TMEM132B: variants seen among roughly 807,000 people sequenced by gnomAD.
TMEM132B encodes the protein transmembrane protein 132B.
Under a neutral mutation model 90.8 loss-of-function variants are expected in TMEM132B, and 18 were observed. The observed-to-expected ratio is 0.20, with a 90% confidence interval of 0.14 to 0.29. The LOEUF (loss-of-function observed/expected upper bound fraction) is 0.29, where lower values mean the gene tolerates loss of function less well. Ranked by LOEUF, TMEM132B falls within the 10% of genes least tolerant of loss-of-function variation. The pLI is 1.00. For missense variants in TMEM132B, 1,096 were observed against 1,326.8 expected (o/e 0.83, Z 2.70); for synonymous variants, 504 against 523.3 (o/e 0.96, Z 0.50).
chr12:125,238,415 G>T (rs1251654194), intron 1 of TMEM132B, among the ~76,000 whole-genome samples: 3 of 150,394 alleles, frequency 2.0e-5, no homozygotes, highest in African/African-American at 7.3e-5. Flanking sequence ...AGTCTCAGAT[G>T]TGGGCTTTGC....
intron 1 of TMEM132B, among the ~76,000 whole-genome samples, chr12:125,255,323 CTCTT>C (rs1388315844): frequency 6.6e-6 from 1 of 152,096 alleles, no homozygotes; most frequent in African/African-American, 2.4e-5. Flanking sequence ...TCTCTTCTCT[CTCTT>C]TCTCTGTATG....
In TMEM132B at chr12:125,406,442, G is replaced by T. The variant is rs1879481384; in HGVS notation, c.960-9089G>T. 6.6e-6 allele frequency among the ~76,000 whole-genome samples: 1 copy of T among 152,178 alleles called. No individual in the cohort carries two copies. Among genetic ancestry groups the T allele is most frequent in the East Asian group, 1.9e-4 (1 of 5,194 alleles). ...ACAAGTTCTTTTTCTACTGTGAAAT[G>T]GGTACCGGGGAAAGGTGAGCCACAG... On this transcript the variant is annotated intron_variant, in intron 2 of 8. Transcript: ENST00000682704. The surrounding 1 kb of genome is among the most constrained non-coding windows in gnomAD (Gnocchi z 8.3).
intron 5 of TMEM132B, among the ~76,000 whole-genome samples, chr12:125,630,418 T>C (rs1886336976): frequency 6.6e-6 from 1 of 152,120 alleles, no homozygotes; most frequent in East Asian, 1.9e-4. Context: ...TTCCAATTTA[T>C]TTATGTATAG....
intron 5 of TMEM132B, among the ~76,000 whole-genome samples, chr12:125,594,351 C>A (rs369519369): frequency 2.0e-5 from 3 of 152,148 alleles, no homozygotes; most frequent in African/African-American, 7.2e-5. Flanking sequence ...ACTAATGCTG[C>A]GATAAACATT....
intron 1 of TMEM132B, among the ~76,000 whole-genome samples, chr12:125,304,783 T>A (rs962839556): frequency 1.1e-4 from 17 of 152,084 alleles, no homozygotes; most frequent in Admixed American, 1.1e-3. Context: ...GTGCACCATG[T>A]CTGCGCCTGT....
At chr12:125,377,034 A>G (rs1878514724) in intron 2 of TMEM132B, among the ~76,000 whole-genome samples, 1 of 152,176 alleles carries the variant, frequency 6.6e-6, no homozygotes, top group Non-Finnish European at 1.5e-5. Context: ...TCTCTTGGCC[A>G]TATCCAGACC....
At chr12:125,609,310 C>T (rs1375907414) in intron 5 of TMEM132B, among the ~76,000 whole-genome samples, 6 of 152,256 alleles carry the variant, frequency 3.9e-5, no homozygotes, top group African/African-American at 1.4e-4. Context: ...CAACATCACA[C>T]TCTCTTGATT....
chr12:125,432,087 G>A (rs1044917289), intron 3 of TMEM132B, among the ~76,000 whole-genome samples: 22 of 151,958 alleles, frequency 1.4e-4, no homozygotes, highest in Non-Finnish European at 3.1e-4. Flanking sequence ...CTGCCGGGGT[G>A]TTGGTGGGGT....
At position 125,495,065 on chromosome 12, in the gene TMEM132B, G is replaced by A. The variant is rs1462308413; in HGVS notation, c.1107-24374G>A. 1.0e-4 allele frequency among the ~76,000 whole-genome samples: 8 copies of A among 76,262 alleles called. No homozygotes were observed. The South Asian group carries it at 2.1e-3, about 20-fold the overall frequency. The allele number at this position is 76,262 out of a possible 152,430, so 50.0% of individuals were successfully genotyped here. A position where few individuals can be genotyped will look rare whatever the true frequency, so the allele number is the denominator to read the frequency against. On this transcript the variant is annotated intron_variant, in intron 3 of 8. Coordinates refer to ENST00000682704, the MANE Select transcript of TMEM132B (RefSeq NM_001366854.1). The stretch of plus-strand genomic sequence containing the variant: ...CTCCCCCTCCTCCCTGAAAATGGCC[G>A]CGTCCCTCCTCCCCCTCCTCCCTGA...
intron 5 of TMEM132B, among the ~76,000 whole-genome samples, chr12:125,608,435 C>T (rs1885749215): frequency 6.6e-6 from 1 of 152,118 alleles, no homozygotes; most frequent in Non-Finnish European, 1.5e-5. Context: ...TTTCATTTCT[C>T]AGTTTCGAGG....
At chr12:125,265,785 T>A (rs1001584360) in intron 1 of TMEM132B, among the ~76,000 whole-genome samples, 2 of 152,240 alleles carry the variant, frequency 1.3e-5, no homozygotes, top group Non-Finnish European at 2.9e-5. Context: ...GCTTGACTCA[T>A]GTCTGTGCGG....
chr12:125,393,244 G>A (rs866945776), intron 2 of TMEM132B, among the ~76,000 whole-genome samples: 35 of 152,172 alleles, frequency 2.3e-4, no homozygotes, highest in Admixed American at 7.2e-4. Flanking sequence ...AGTGCATATT[G>A]AGCATTGAGT....
chr12:125,202,866 C>T (rs1873095508), intron 1 of TMEM132B, among the ~76,000 whole-genome samples: 1 of 152,134 alleles, frequency 6.6e-6, no homozygotes, highest in Non-Finnish European at 1.5e-5. Context: ...ATTTGAGTGC[C>T]CCAAAGTAGC....
At chr12:125,622,402 A>C (rs778238339) in intron 5 of TMEM132B, 2 of 894,694 alleles carry the variant, frequency 2.2e-6, no homozygotes, top group Non-Finnish European at 2.7e-6. Flanking sequence ...AAGAATCACA[A>C]TAAGTCACCA....
At chr12:125,386,499 A>G (rs1878838373) in intron 2 of TMEM132B, among the ~76,000 whole-genome samples, 1 of 152,242 alleles carries the variant, frequency 6.6e-6, no homozygotes, top group Admixed American at 6.5e-5. Flanking sequence ...CCTATCACAC[A>G]TGAGCAAATT....
At chr12:125,633,106 TTC>T (rs1886404349) in intron 5 of TMEM132B, among the ~76,000 whole-genome samples, 1 of 152,178 alleles carries the variant, frequency 6.6e-6, no homozygotes, top group Admixed American at 6.5e-5. Flanking sequence ...TTGATTTTTA[TTC>T]TTTTTTTAAA....
rs564120232 is a variant in TMEM132B, at chr12:125,407,161, A to T, written c.960-8370A>T. On this transcript the variant is annotated intron_variant, in intron 2 of 8. Transcript: ENST00000682704. This position sits in a 1 kb window ranked among gnomAD's most constrained non-coding sequence, Gnocchi z 6.7. Reference sequence around the variant, plus strand: ...CCCAAGCCTCCCTACTATAAATCATATTGAAGCACAGATTATCTGGCATGG... The same window carrying T: ...CCCAAGCCTCCCTACTATAAATCATTTTGAAGCACAGATTATCTGGCATGG... Among the ~76,000 whole-genome samples the T allele has an allele frequency of 1.2e-4, 19 of 152,328 alleles. No homozygotes were observed. The South Asian group carries it at 3.5e-3, about 28-fold the overall frequency.
At chr12:125,559,083 C>T (rs1407108668) in intron 4 of TMEM132B, among the ~76,000 whole-genome samples, 4 of 152,170 alleles carry the variant, frequency 2.6e-5, no homozygotes, top group Non-Finnish European at 5.9e-5. Flanking sequence ...TTATGCAAGT[C>T]CACTCAGTTA....
At chr12:125,301,099 C>G (rs888777229) in intron 1 of TMEM132B, 3 of 152,000 alleles carry the variant, frequency 2.0e-5, no homozygotes, top group Non-Finnish European at 4.4e-5. Flanking sequence ...GTTGAAATTT[C>G]GAGCATTTGA....
Sources: allele counts gnomAD v4.1 joint callset (sites outside exome capture counted in the v4.1 genomes callset), GRCh38; gene constraint gnomAD v4.1.1; non-coding constraint Gnocchi (gnomAD v3.1); transcripts MANE v1.5; gene names NCBI Gene and HGNC (gene_info 2026-07-23, HGNC 2026-07-21).